The following PKP2 variants were observed in gnomAD, a reference collection of about 807,000 sequenced individuals.
The protein encoded by PKP2 is plakophilin 2.
In PKP2, 73 loss-of-function variants were observed where a neutral mutation model predicts 83.4. The observed-to-expected ratio is 0.88, with a 90% CI of 0.72 to 1.06. The LOEUF is 1.06. Ranked by LOEUF, PKP2 falls within the 50% of genes least tolerant of loss-of-function variation. The pLI is 0.00. For synonymous variants in PKP2, 409 were observed against 430.4 expected, an observed-to-expected ratio of 0.95 and a Z score of 0.62; for missense variants, 966 against 1,065.4, an observed-to-expected ratio of 0.91 and a Z score of 1.30.
At chr12:32,860,000 G>A (rs1034726889) in intron 4 of PKP2, among the ~76,000 whole-genome samples, 12 of 152,130 alleles carry the variant, frequency 7.9e-5, no homozygotes, top group African/African-American at 2.4e-4. Context: ...TGACTCGATA[G>A]TAACTAACAA....
At chr12:32,815,861 G>A (rs1956315337) in intron 9 of PKP2, among the ~76,000 whole-genome samples, 2 of 152,134 alleles carry the variant, frequency 1.3e-5, no homozygotes, top group South Asian at 4.1e-4. Flanking sequence ...ATTTGCTGAG[G>A]GAAATGAGAA....
chr12:32,881,550 C>T (rs922107085), intron 1 of PKP2, among the ~76,000 whole-genome samples: 2 of 152,040 alleles, frequency 1.3e-5, no homozygotes, highest in Admixed American at 6.6e-5. Context: ...TTCCATGACC[C>T]GACAGCCAAT....
chr12:32,883,017 G>A (rs1475817080), intron 1 of PKP2, among the ~76,000 whole-genome samples: 3 of 152,156 alleles, frequency 2.0e-5, no homozygotes, highest in Non-Finnish European at 4.4e-5. Context: ...CAAATACTCT[G>A]TAAATATTAA....
Position 32,878,257 on chromosome 12 carries a change from G to C in PKP2, c.623C>G (p.Thr208Arg). 1 of 1,614,080 alleles carries C rather than the reference G, an allele frequency of 6.2e-7. No homozygotes were observed. The highest frequency in any genetic ancestry group is 1.3e-5 in the African/African-American group (1 of 75,018). ...EIVGVSRAGT[T>R]SRQRHFDTYH... ...TGTGTCAAAGTGGCGCTGCCTGCTT[G>C]TGGTGCCAGCACGGCTGACCCCCAC... Residue 208 changes from threonine (T) to arginine (R), a missense_variant, in exon 3 of 13, where the codon ACA (threonine) becomes AGA (arginine). Thr to Arg is a moderately conservative substitution (Grantham distance 71, BLOSUM62 -1). Transcript: ENST00000340811.
chr12:32,793,475 A>C (rs920610934), intron 11 of PKP2, among the ~76,000 whole-genome samples: 1 of 152,076 alleles, frequency 6.6e-6, no homozygotes, highest in Non-Finnish European at 1.5e-5. Context: ...AGTCAATAAA[A>C]GAAATTCTTG....
intron 6 of PKP2, among the ~76,000 whole-genome samples, chr12:32,834,233 T>C (rs779885861): frequency 2.6e-5 from 4 of 152,110 alleles, no homozygotes; most frequent in South Asian, 2.1e-4. Context: ...AGGGCAAAAA[T>C]AGGTCCCATT....
intron 4 of PKP2, among the ~76,000 whole-genome samples, chr12:32,857,755 C>T (rs1357422211): frequency 6.6e-6 from 1 of 151,890 alleles, no homozygotes; most frequent in Non-Finnish European, 1.5e-5. Context: ...ACCTTTATCT[C>T]TGAGTGACAG....
In PKP2 at chr12:32,811,016, G is replaced by C. The variant is rs538859543; in HGVS notation, c.2014-8460C>G. On this transcript the variant is annotated intron_variant, in intron 9 of 12. Transcript: ENST00000340811. The stretch of plus-strand genomic sequence containing the variant: ...TTTTTTAAATGAGAATTTCAGCTGG[G>C]AGATGAGCAGAACAGTTGTCATGTA... Among the ~76,000 whole-genome samples the C allele has an allele frequency of 3.9e-5, 6 of 152,326 alleles. No individual in the cohort carries two copies. The South Asian group carries it at 1.0e-3, about 26-fold the overall frequency.
At chr12:32,808,719 T>C (rs1237878666) in intron 9 of PKP2, among the ~76,000 whole-genome samples, 2 of 152,186 alleles carry the variant, frequency 1.3e-5, no homozygotes, top group Non-Finnish European at 2.9e-5. Flanking sequence ...GGGTCTTTTT[T>C]GTTGATGTTG....
intron 5 of PKP2, among the ~76,000 whole-genome samples, chr12:32,848,602 G>A (rs181680771): frequency 6.6e-6 from 1 of 152,076 alleles, no homozygotes; most frequent in Admixed American, 6.6e-5. Flanking sequence ...CTTACAAATG[G>A]GAGCTAAACA....
At chr12:32,851,084 A>G in intron 4 of PKP2, 111 bp from the exon 5 acceptor site, 1 of 846,006 alleles carries the variant, frequency 1.2e-6, no homozygotes, top group Non-Finnish European at 1.9e-6. Context: ...ACCTTTCTTC[A>G]TCAACAACTA....
chr12:32,884,290 C>A (rs1404582476), intron 1 of PKP2, among the ~76,000 whole-genome samples: 2 of 152,094 alleles, frequency 1.3e-5, no homozygotes, highest in African/African-American at 4.8e-5. Context: ...CCCGTCTCTA[C>A]TAAAATGACA....
intron 9 of PKP2, among the ~76,000 whole-genome samples, chr12:32,816,459 G>A (rs1456283975): frequency 1.3e-5 from 2 of 152,156 alleles, no homozygotes; most frequent in Non-Finnish European, 2.9e-5. Context: ...GGGTGCATAT[G>A]TACCACATTT....
intron 4 of PKP2, 79 bp downstream of exon 4, chr12:32,868,848 A>T: frequency 6.9e-7 from 1 of 1,444,366 alleles, no homozygotes; most frequent in East Asian, 2.3e-5. Context: ...TAAATAAATT[A>T]TTGGTTTCAG....
chr12:32,861,591 C>T (rs2168207), intron 4 of PKP2, among the ~76,000 whole-genome samples: 41,848 of 152,000 alleles, frequency 0.28, 6,826 homozygotes, highest in African/African-American at 0.47. Context: ...AGAAGCCTAA[C>T]GTGTATGTAA....
intron 1 of PKP2, among the ~76,000 whole-genome samples, chr12:32,888,380 A>ACT (rs1001578103): frequency 3.7e-4 from 56 of 152,180 alleles, no homozygotes; most frequent in African/African-American, 1.4e-3. Flanking sequence ...TAAAATACTT[A>ACT]CTACAGGTTT....
chr12:32,832,414 T>C (rs1247700527), intron 6 of PKP2, among the ~76,000 whole-genome samples: 1 of 152,122 alleles, frequency 6.6e-6, no homozygotes, highest in East Asian at 1.9e-4. Context: ...AGTAATTTAA[T>C]TAATTAAACC....
chr12:32,821,673 AATAT>A, intron 8 of PKP2, 144 bp from the exon 9 acceptor site: 1 of 712,472 alleles, frequency 1.4e-6, no homozygotes, highest in Non-Finnish European at 2.4e-6. Flanking sequence ...TTTAAAAGCA[AATAT>A]ATATAATTTC....
intron 10 of PKP2, among the ~76,000 whole-genome samples, chr12:32,799,064 G>A (rs1302137718): frequency 6.6e-6 from 1 of 152,010 alleles, no homozygotes; most frequent in African/African-American, 2.4e-5. Flanking sequence ...AAAAAAGCAA[G>A]AAAAAAGCCA....
Sources: gnomAD v4.1 joint callset for allele counts (sites outside exome capture counted in the v4.1 genomes callset) on GRCh38, gnomAD v4.1.1 for gene constraint, MANE v1.5 for transcripts, NCBI Gene and HGNC (gene_info 2026-07-23, HGNC 2026-07-21) for gene names.